LRP1B: variants seen among roughly 807,000 people sequenced by gnomAD.
LRP1B encodes the protein LDL receptor related protein 1B.
A neutral mutation model predicts 556.6 loss-of-function variants in LRP1B; 217 were observed. The observed-to-expected ratio is 0.39, with a 90% CI of 0.35 to 0.44. The LOEUF is 0.44. Among genes scored for constraint, LRP1B ranks in the 20% least tolerant of loss-of-function variants. The pLI is 1.00. For missense variants in LRP1B, 5,053 were observed against 5,620.8 expected, an observed-to-expected ratio of 0.90 and a Z score of 3.23; for synonymous variants, 2,047 against 1,865.8, an observed-to-expected ratio of 1.10 and a Z score of -2.50.
intron 18 of LRP1B, among the ~76,000 whole-genome samples, chr2:140,977,742 C>G (rs1452216050): frequency 6.6e-6 from 1 of 152,142 alleles, no homozygotes; most frequent in Non-Finnish European, 1.5e-5. Flanking sequence ...TGTTTTTTAA[C>G]AAGCTCCTCA....
intron 5 of LRP1B, among the ~76,000 whole-genome samples, chr2:141,240,275 TTTTATTAC>T (rs1316264252): frequency 2.6e-5 from 4 of 152,088 alleles, no homozygotes; most frequent in African/African-American, 9.6e-5. Flanking sequence ...CTCTAACTGC[TTTTATTAC>T]CCCAGATTTT....
intron 1 of LRP1B, among the ~76,000 whole-genome samples, chr2:141,997,480 C>T (rs949271128): frequency 2.0e-4 from 28 of 141,536 alleles, no homozygotes; most frequent in African/African-American, 7.3e-4. Context: ...CTGTAGAACA[C>T]ATTTTTATTT....
chr2:141,878,373 A>T (rs1163537974), intron 1 of LRP1B, among the ~76,000 whole-genome samples: 1 of 151,902 alleles, frequency 6.6e-6, no homozygotes, highest in Non-Finnish European at 1.5e-5. Flanking sequence ...AAATAACAAC[A>T]ACAACAAAAA....
intron 41 of LRP1B, among the ~76,000 whole-genome samples, chr2:140,653,426 G>A (rs1367269890): frequency 2.6e-5 from 4 of 151,896 alleles, no homozygotes; most frequent in Non-Finnish European, 4.4e-5. Flanking sequence ...TGTTGAATCC[G>A]TGGAGACTAG....
intron 7 of LRP1B, among the ~76,000 whole-genome samples, chr2:141,072,718 C>T (rs1168972655): frequency 6.6e-6 from 1 of 152,036 alleles, no homozygotes; most frequent in East Asian, 1.9e-4. Context: ...TTGTCCTAAC[C>T]CTTTGATTCA....
chr2:140,751,024 C>T (rs1240217659), intron 35 of LRP1B, among the ~76,000 whole-genome samples: 1 of 140,828 alleles, frequency 7.1e-6, no homozygotes, highest in African/African-American at 2.7e-5. Context: ...TGAAGTCTTG[C>T]CATTGTCCCT....
chr2:140,803,222 G>T (rs766805716), intron 32 of LRP1B, among the ~76,000 whole-genome samples: 4 of 144,050 alleles, frequency 2.8e-5, no homozygotes, highest in Non-Finnish European at 4.5e-5. Context: ...AAGCACTTAA[G>T]CCCTGAATAA....
intron 2 of LRP1B, among the ~76,000 whole-genome samples, chr2:141,794,038 G>T (rs1240606441): frequency 6.6e-6 from 1 of 151,866 alleles, no homozygotes; most frequent in Non-Finnish European, 1.5e-5. Flanking sequence ...TTGAAAGCAA[G>T]CATATTATTA....
chr2:141,371,962 G>A (rs1354400305), intron 3 of LRP1B, among the ~76,000 whole-genome samples: 1 of 152,074 alleles, frequency 6.6e-6, no homozygotes, highest in Non-Finnish European at 1.5e-5. Context: ...GACAGGGAAT[G>A]CTTTCACCTT....
At chr2:141,314,830 GTA>G (rs1429208067) in intron 3 of LRP1B, among the ~76,000 whole-genome samples, 16 of 124,290 alleles carry the variant, frequency 1.3e-4, no homozygotes, top group South Asian at 2.5e-4. Context: ...ATATATATGT[GTA>G]TATATATATA....
chr2:141,779,274 T>C (rs2105634715), intron 2 of LRP1B, among the ~76,000 whole-genome samples: 1 of 152,258 alleles, frequency 6.6e-6, no homozygotes, highest in Middle Eastern at 3.4e-3. Flanking sequence ...TGCTTTCCTA[T>C]TATGTGTCAG....
At chr2:141,251,983 C>T (rs1244309683) in intron 4 of LRP1B, among the ~76,000 whole-genome samples, 1 of 152,012 alleles carries the variant, frequency 6.6e-6, no homozygotes, top group Non-Finnish European at 1.5e-5. Context: ...TTCTTCCTCT[C>T]CCACCAGTTT....
chr2:140,707,236 G>C (rs1686871494), intron 37 of LRP1B, among the ~76,000 whole-genome samples: 1 of 152,024 alleles, frequency 6.6e-6, no homozygotes, highest in Non-Finnish European at 1.5e-5. Flanking sequence ...ATATGATAAA[G>C]AAAACCTGAG....
At chr2:141,888,973 T>C (rs1456975009) in intron 1 of LRP1B, among the ~76,000 whole-genome samples, 1 of 152,148 alleles carries the variant, frequency 6.6e-6, no homozygotes, top group African/African-American at 2.4e-5. Context: ...TTTAAAAATT[T>C]ATAATAATTG....
intron 1 of LRP1B, among the ~76,000 whole-genome samples, chr2:141,826,101 A>T (rs1288543689): frequency 1.3e-5 from 2 of 152,176 alleles, no homozygotes; most frequent in South Asian, 4.1e-4. Flanking sequence ...AAGAAAAAAA[A>T]TCAAATCTTC....
At chr2:140,450,309 C>T (rs752465377) in intron 63 of LRP1B, among the ~76,000 whole-genome samples, 1 of 151,980 alleles carries the variant, frequency 6.6e-6, no homozygotes, top group Non-Finnish European at 1.5e-5. Context: ...CATTATTCCA[C>T]AAGTAATCAA....
intron 1 of LRP1B, among the ~76,000 whole-genome samples, chr2:141,891,239 G>A (rs1379123952): frequency 2.6e-5 from 4 of 152,108 alleles, no homozygotes; most frequent in Non-Finnish European, 5.9e-5. Context: ...CAGAGAGAGA[G>A]AAGGAAAGGT....
intron 3 of LRP1B, among the ~76,000 whole-genome samples, chr2:141,390,457 G>T (rs911857039): frequency 6.6e-6 from 1 of 152,126 alleles, no homozygotes; most frequent in Non-Finnish European, 1.5e-5. Flanking sequence ...ATCCAAAATA[G>T]TTTAAAACAA....
intron 20 of LRP1B, among the ~76,000 whole-genome samples, chr2:140,935,249 C>A (rs1573897161): frequency 6.6e-6 from 1 of 151,906 alleles, no homozygotes; most frequent in Admixed American, 6.6e-5. Flanking sequence ...CTTAAAGATG[C>A]ATAAAAAAGT....
Sources: gnomAD v4.1 joint callset for allele counts (sites outside exome capture counted in the v4.1 genomes callset) on GRCh38, gnomAD v4.1.1 for gene constraint, MANE v1.5 for transcripts, NCBI Gene and HGNC (gene_info 2026-07-23, HGNC 2026-07-21) for gene names.